The following PHF20 variants were observed in gnomAD, a reference collection of about 807,000 sequenced individuals.
PHF20 encodes PHD finger protein 20, also known as glioma-expressed antigen 2.
A neutral mutation model predicts 113.5 loss-of-function variants in PHF20; 23 were observed. The ratio of observed to expected loss-of-function variants is 0.20; its 90% CI spans 0.15 to 0.29. The LOEUF (loss-of-function observed/expected upper bound fraction) is 0.29. Among genes scored for constraint, PHF20 ranks in the 10% least tolerant of loss-of-function variants. The pLI, the probability that PHF20 is intolerant of heterozygous loss-of-function variation, is 1.00. For missense variants in PHF20, 943 were observed against 1,219.6 expected (o/e 0.77, Z 3.38); for synonymous variants, 434 against 457.3 (o/e 0.95, Z 0.65).
chr20:35,904,634 C>T (rs2147067418), intron 10 of PHF20, among the ~76,000 whole-genome samples: 1 of 152,052 alleles, frequency 6.6e-6, no homozygotes, highest in African/African-American at 2.4e-5. Flanking sequence ...TTGGACTCCT[C>T]AATATCTGGG....
Position 35,919,806 on chromosome 20 carries a change from C to T in PHF20, c.2004+2144C>T, listed in dbSNP as rs554638796. On this transcript the variant is annotated intron_variant, in intron 13 of 17. Coordinates refer to ENST00000374012, the MANE Select transcript of PHF20 (RefSeq NM_016436.5). ...TTATTTTCCCAGGGCTTTTAGAAAACACTTTTATTTTGAAATAATTATAGA... is the reference window on the plus strand; with the variant it reads ...TTATTTTCCCAGGGCTTTTAGAAAATACTTTTATTTTGAAATAATTATAGA... 2.0e-4 allele frequency among the ~76,000 whole-genome samples: 31 copies of T among 152,146 alleles called. No individual in the cohort carries two copies. The South Asian group carries it at 6.0e-3, about 30-fold the overall frequency.
At chr20:35,906,741 A>G (rs1359206827) in intron 10 of PHF20, among the ~76,000 whole-genome samples, 1 of 152,172 alleles carries the variant, frequency 6.6e-6, no homozygotes. Context: ...GATAGGCAGA[A>G]CATCTGCCAC....
At chr20:35,834,440 G>A (rs1042810688) in intron 2 of PHF20, among the ~76,000 whole-genome samples, 1 of 151,816 alleles carries the variant, frequency 6.6e-6, no homozygotes, top group Non-Finnish European at 1.5e-5. Context: ...TAGTAGAGAC[G>A]GGGTTTCTCC....
intron 1 of PHF20, chr20:35,800,051 A>AT (rs1319092717): frequency 1.3e-5 from 2 of 152,166 alleles, no homozygotes; most frequent in Non-Finnish European, 2.9e-5. Context: ...AATTGGCTTT[A>AT]CTGTTTGGTT....
At chr20:35,834,886 C>T (rs1042467098) in intron 2 of PHF20, among the ~76,000 whole-genome samples, 1 of 152,104 alleles carries the variant, frequency 6.6e-6, no homozygotes, top group Non-Finnish European at 1.5e-5. Flanking sequence ...GACTCTTGAA[C>T]TCTTTCTTCT....
At chr20:35,820,962 T>G (rs2042158052) in intron 2 of PHF20, among the ~76,000 whole-genome samples, 1 of 151,886 alleles carries the variant, frequency 6.6e-6, no homozygotes, top group Admixed American at 6.6e-5. Context: ...AAGCAGGGCA[T>G]TCAAGCAATA....
At chr20:35,855,293 TA>T in intron 4 of PHF20, 1 of 1,308,826 alleles carries the variant, frequency 7.6e-7, no homozygotes, top group Non-Finnish European at 1.0e-6. Context: ...ACCTTTGTTG[TA>T]AGTACTCATA....
At chr20:35,779,172 A>G (rs2041234936) in intron 1 of PHF20, among the ~76,000 whole-genome samples, 1 of 151,762 alleles carries the variant, frequency 6.6e-6, no homozygotes, top group African/African-American at 2.4e-5. Context: ...AGTAGCTGGT[A>G]CTACAGGTGT....
chr20:35,850,297 T>TTTTTTTTTTTTG (rs2042697201), intron 4 of PHF20, among the ~76,000 whole-genome samples: 1 of 64,510 alleles, frequency 1.6e-5, no homozygotes, highest in Non-Finnish European at 3.1e-5. Flanking sequence ...TCCCCCTCCG[T>TTTTTTTTTTTTG]TTTTTTTTTT....
chr20:35,789,962 C>T (rs577551858), intron 1 of PHF20, among the ~76,000 whole-genome samples: 1 of 151,420 alleles, frequency 6.6e-6, no homozygotes, highest in East Asian at 1.9e-4. Context: ...TCAGGCAATT[C>T]TCCTGCCTCA....
At chr20:35,775,674 A>G (rs1490307660) in intron 1 of PHF20, among the ~76,000 whole-genome samples, 1 of 148,688 alleles carries the variant, frequency 6.7e-6, no homozygotes, top group Non-Finnish European at 1.5e-5. Context: ...TACTTGCTTG[A>G]ACCCGGGAGG....
At chr20:35,832,094 C>T (rs1183173923) in intron 2 of PHF20, among the ~76,000 whole-genome samples, 1 of 152,198 alleles carries the variant, frequency 6.6e-6, no homozygotes, top group African/African-American at 2.4e-5. Context: ...CTGCTTTCCT[C>T]TGTACTATGC....
intron 2 of PHF20, among the ~76,000 whole-genome samples, chr20:35,835,601 T>G (rs1192381510): frequency 6.6e-6 from 1 of 152,170 alleles, no homozygotes; most frequent in Admixed American, 6.5e-5. Context: ...TAATGATAAC[T>G]TAAATTTAAG....
At chr20:35,869,934 T>G (rs937965844) in intron 7 of PHF20, among the ~76,000 whole-genome samples, 6 of 150,374 alleles carry the variant, frequency 4.0e-5, no homozygotes, top group Middle Eastern at 3.5e-3. Flanking sequence ...CTGAGGTGGG[T>G]GGATCATCTG....
chr20:35,801,641 A>T, intron 2 of PHF20, 36 bp downstream of exon 2: 1 of 1,457,138 alleles, frequency 6.9e-7, no homozygotes, highest in Non-Finnish European at 9.6e-7. Flanking sequence ...AAAGCCCTTC[A>T]GTAAAGGATT....
At chr20:35,829,073 C>T (rs1198057748) in intron 2 of PHF20, among the ~76,000 whole-genome samples, 1 of 152,068 alleles carries the variant, frequency 6.6e-6, no homozygotes, top group Non-Finnish European at 1.5e-5. Context: ...GGTGCTGGTT[C>T]CTGACAGGTG....
chr20:35,778,770 A>T (rs1202355690), intron 1 of PHF20, among the ~76,000 whole-genome samples: 2 of 151,798 alleles, frequency 1.3e-5, no homozygotes, highest in South Asian at 2.1e-4. Context: ...AAAAAAAAAA[A>T]ATTGAACCCT....
At chr20:35,942,839 T>G (rs768955759) in intron 17 of PHF20, among the ~76,000 whole-genome samples, 5 of 152,202 alleles carry the variant, frequency 3.3e-5, no homozygotes, top group Middle Eastern at 3.2e-3. Context: ...TTCTTTTTTT[T>G]TTGAGATGGA....
At position 35,947,651 on chromosome 20, in the gene PHF20, G is replaced by A. The variant is rs1209997594; in HGVS notation, c.*24G>A. ...GAAACTGGGCACCCAAAACTCATGG[G>A]GGCACAATCCTGGGGCACCTGCAGG... On this transcript the variant is annotated 3_prime_UTR_variant, in exon 18 of 18. Coordinates refer to ENST00000374012, the MANE Select transcript of PHF20 (RefSeq NM_016436.5). 2 of 1,607,954 alleles carry A rather than the reference G, an allele frequency of 1.2e-6. No homozygotes were observed. Among genetic ancestry groups the A allele is most frequent in the African/African-American group, 1.3e-5 (1 of 74,894 alleles).
Sources: gnomAD v4.1 joint callset for allele counts (sites outside exome capture counted in the v4.1 genomes callset) on GRCh38, gnomAD v4.1.1 for gene constraint, MANE v1.5 for transcripts, NCBI Gene and HGNC (gene_info 2026-07-23, HGNC 2026-07-21) for gene names.